SLC14A2: variants seen among roughly 807,000 people sequenced by gnomAD.
The protein encoded by SLC14A2 is solute carrier family 14 member 2, also known as urea transporter 2.
In SLC14A2, 91 loss-of-function variants were observed where a neutral mutation model predicts 104.6. That is an observed-to-expected ratio of 0.87 (90% CI 0.73 to 1.04). The LOEUF (loss-of-function observed/expected upper bound fraction) is 1.04. Ranked by LOEUF, SLC14A2 falls within the 50% of genes least tolerant of loss-of-function variation. The pLI is 0.00. For synonymous variants in SLC14A2, 476 were observed against 466.4 expected (o/e 1.02, Z -0.27); for missense variants, 1,189 against 1,156.0 (o/e 1.03, Z -0.41).
intron 1 of SLC14A2, among the ~76,000 whole-genome samples, chr18:45,273,548 C>A (rs1437577411): frequency 6.6e-6 from 1 of 152,086 alleles, no homozygotes; most frequent in Admixed American, 6.6e-5. Context: ...AATACTTCTA[C>A]ACTCTAGACT....
chr18:45,616,588 G>C (rs1021113551), intron 1 of SLC14A2, among the ~76,000 whole-genome samples: 2 of 152,206 alleles, frequency 1.3e-5, no homozygotes, highest in African/African-American at 4.8e-5. Flanking sequence ...TGGGGAGACT[G>C]AAGTGAGGGA....
Position 45,314,863 on chromosome 18 carries a change from G to A in SLC14A2, c.-125+101672G>A, listed in dbSNP as rs34035214. ...CTGGAGTAGAGTTATAAAAGGGGGCGCAGAGATAAGGAAGATACTGTCCCT... is the reference window on the plus strand; with the variant it reads ...CTGGAGTAGAGTTATAAAAGGGGGCACAGAGATAAGGAAGATACTGTCCCT... On this transcript the variant is annotated intron_variant, in intron 1 of 20. Transcript: ENST00000586448. Among the ~76,000 whole-genome samples, 136 of 152,332 alleles carry A rather than the reference G, an allele frequency of 8.9e-4. 1 individual carries two copies. The highest frequency in any genetic ancestry group is 1.8e-3 in the African/African-American group (74 of 41,576).
intron 1 of SLC14A2, among the ~76,000 whole-genome samples, chr18:45,389,925 A>G (rs2085942190): frequency 6.6e-6 from 1 of 152,244 alleles, no homozygotes; most frequent in South Asian, 2.1e-4. Flanking sequence ...TAAAAGTCCC[A>G]TTGGGATATC....
chr18:45,387,797 T>G (rs567205349), intron 1 of SLC14A2, among the ~76,000 whole-genome samples: 2 of 152,272 alleles, frequency 1.3e-5, no homozygotes, highest in Admixed American at 1.3e-4. Context: ...GGAAACTGAT[T>G]CACACACTAA....
At chr18:45,676,247 T>C (rs1211306699) in intron 18 of SLC14A2, among the ~76,000 whole-genome samples, 2 of 152,214 alleles carry the variant, frequency 1.3e-5, no homozygotes, top group Admixed American at 1.3e-4. Flanking sequence ...GAGTCAAGAC[T>C]GTGCCACTCT....
rs746891344 is a variant in SLC14A2 at position 45,637,090 on chromosome 18, A to G, written c.751A>G (p.Thr251Ala). 3.7e-6 allele frequency: 6 copies of G among 1,614,174 alleles called. No homozygotes were observed. The East Asian group carries it at 1.3e-4, about 36-fold the overall frequency. The change falls in exon 6 of 20, where the codon ACA becomes GCA. Residue 251 changes from threonine to alanine, a missense_variant. By Grantham distance (58) the Thr-to-Ala change is moderately conservative. Coordinates refer to ENST00000255226, the MANE Select transcript of SLC14A2 (RefSeq NM_007163.4). Reference sequence around the variant, plus strand: ...TGCAGTCACCTTGTACCTTGCAGCCACAGGCCACTACAACCTCTTCTTCCC... The same window carrying G: ...TGCAGTCACCTTGTACCTTGCAGCCGCAGGCCACTACAACCTCTTCTTCCC... ...NIAVTLYLAA[T>A]GHYNLFFPTT...
chr18:45,376,916 T>C (rs2085781240), intron 1 of SLC14A2, among the ~76,000 whole-genome samples: 1 of 152,246 alleles, frequency 6.6e-6, no homozygotes, highest in Non-Finnish European at 1.5e-5. Flanking sequence ...TACCCATTTC[T>C]TCCTAAAAAT....
chr18:45,195,402 T>C, the SLC14A2 span, among the ~76,000 whole-genome samples: 1 of 152,200 alleles, frequency 6.6e-6, no homozygotes, highest in Non-Finnish European at 1.5e-5. Flanking sequence ...AGAATTTTTT[T>C]TTTCTTTGAG....
At chr18:45,387,732 T>C (rs1375898662) in intron 1 of SLC14A2, among the ~76,000 whole-genome samples, 1 of 152,186 alleles carries the variant, frequency 6.6e-6, no homozygotes, top group East Asian at 1.9e-4. Flanking sequence ...TCTTCGAATG[T>C]AGAAAGTTGT....
In SLC14A2 at chr18:45,321,387, A is replaced by G. The variant is rs1424450539; in HGVS notation, c.-125+108196A>G. The stretch of plus-strand genomic sequence containing the variant: ...TCCACAAGAAACAATAGCTAGGAAC[A>G]GAACTATACTTGTGACGTCTTGATT... On this transcript the variant is annotated intron_variant, in intron 1 of 20. Transcript: ENST00000586448. Among the ~76,000 whole-genome samples the G allele has an allele frequency of 3.3e-5, 5 of 152,274 alleles. No homozygotes were observed. The East Asian group carries it at 9.6e-4, about 29-fold the overall frequency.
At chr18:45,177,061 G>A in the SLC14A2 span, among the ~76,000 whole-genome samples, 1 of 152,030 alleles carries the variant, frequency 6.6e-6, no homozygotes, top group Admixed American at 6.6e-5. Context: ...AACTCTACTA[G>A]CAAAGCTGCA....
At chr18:45,188,909 G>A in the SLC14A2 span, among the ~76,000 whole-genome samples, 5 of 152,196 alleles carry the variant, frequency 3.3e-5, no homozygotes, top group Non-Finnish European at 7.3e-5. Context: ...TGAGCTATCT[G>A]ACAACATGCC....
At chr18:45,605,761 T>C (rs1156569564) in intron 2 of SLC14A2, among the ~76,000 whole-genome samples, 1 of 152,168 alleles carries the variant, frequency 6.6e-6, no homozygotes, top group Non-Finnish European at 1.5e-5. Context: ...TGATTTGCCA[T>C]GTCAGAGAAC....
chr18:45,623,602 G>A (rs558532153), intron 1 of SLC14A2, among the ~76,000 whole-genome samples: 11 of 152,298 alleles, frequency 7.2e-5, no homozygotes, highest in South Asian at 2.1e-4. Flanking sequence ...ATAGCCTAGC[G>A]AAATGGAACT....
chr18:45,593,040 G>A (rs931753582), intron 2 of SLC14A2, among the ~76,000 whole-genome samples: 1 of 152,188 alleles, frequency 6.6e-6, no homozygotes, highest in Non-Finnish European at 1.5e-5. Context: ...ATGTGAGGCC[G>A]GGCGCCGTGG....
intron 2 of SLC14A2, among the ~76,000 whole-genome samples, chr18:45,601,963 T>C (rs1471335181): frequency 1.3e-5 from 2 of 152,266 alleles, no homozygotes; most frequent in Non-Finnish European, 2.9e-5. Flanking sequence ...TTGGCCATTC[T>C]GTCGGGTGAG....
At chr18:45,628,196 A>G (rs1474445678) in intron 4 of SLC14A2, among the ~76,000 whole-genome samples, 1 of 152,042 alleles carries the variant, frequency 6.6e-6, no homozygotes, top group African/African-American at 2.4e-5. Context: ...CTGTAATCTC[A>G]GTACTTCAGG....
chr18:45,648,195 CTTTTTTTTTTTT>C (rs59843067), intron 10 of SLC14A2, among the ~76,000 whole-genome samples: 3 of 101,246 alleles, frequency 3.0e-5, no homozygotes, highest in African/African-American at 7.7e-5. Flanking sequence ...CTAGTTAATG[CTTTTTTTTTTTT>C]TTTTTTTTTT....
At chr18:45,437,559 G>A (rs1211676624) in intron 1 of SLC14A2, among the ~76,000 whole-genome samples, 1 of 152,104 alleles carries the variant, frequency 6.6e-6, no homozygotes, top group African/African-American at 2.4e-5. Context: ...CATGTCATGC[G>A]GTCTATCATC....
Sources: gnomAD v4.1 joint callset for allele counts (sites outside exome capture counted in the v4.1 genomes callset) on GRCh38, gnomAD v4.1.1 for gene constraint, MANE v1.5 for transcripts, NCBI Gene and HGNC (gene_info 2026-07-23, HGNC 2026-07-21) for gene names.